FAXDC2: variants seen among roughly 807,000 people sequenced by gnomAD.
FAXDC2 encodes the protein fatty acid hydroxylase domain-containing protein 2.
FAXDC2 carries 41 observed loss-of-function variants against 40.9 expected under a neutral mutation model. The observed-to-expected ratio is 1.00, with a 90% CI of 0.78 to 1.30. The LOEUF (loss-of-function observed/expected upper bound fraction) is 1.30, where lower values mean the gene tolerates loss of function less well. Ranked by LOEUF, FAXDC2 falls within the 50% of genes most tolerant of loss-of-function variation. The probability of loss-of-function intolerance (pLI) is 0.00; values close to 1 mark genes in which losing one functional copy is unlikely to be tolerated. For missense variants in FAXDC2, 390 were observed against 408.8 expected (o/e 0.95, Z 0.40); for synonymous variants, 157 against 149.3 (o/e 1.05, Z -0.38).
chr5:154,829,015 G>A (rs750060673), intron 5 of FAXDC2, among the ~76,000 whole-genome samples: 19 of 150,586 alleles, frequency 1.3e-4, no homozygotes, highest in Non-Finnish European at 2.4e-4. Context: ...TGCCTCCCAG[G>A]TTCAAGCAAT....
At chr5:154,838,640 C>T (rs1760410653) in intron 1 of FAXDC2, 1 of 187,124 alleles carries the variant, frequency 5.3e-6, no homozygotes, top group Non-Finnish European at 1.1e-5. Context: ...GCTCTGTCGC[C>T]CAGGCTGGAG....
intron 5 of FAXDC2, among the ~76,000 whole-genome samples, chr5:154,826,133 A>T (rs1561653128): frequency 6.6e-6 from 1 of 152,180 alleles, no homozygotes; most frequent in Non-Finnish European, 1.5e-5. Context: ...GAATGAATAT[A>T]GAGAAGAGGA....
At chr5:154,843,758 C>T (rs1388105619) in intron 1 of FAXDC2, among the ~76,000 whole-genome samples, 2 of 152,238 alleles carry the variant, frequency 1.3e-5, no homozygotes, top group South Asian at 2.1e-4. Flanking sequence ...CCATTGAAGA[C>T]ATTCCTTACT....
At chr5:154,844,832 T>G (rs771223909) in intron 1 of FAXDC2, among the ~76,000 whole-genome samples, 10 of 152,038 alleles carry the variant, frequency 6.6e-5, no homozygotes, top group Non-Finnish European at 1.3e-4. Context: ...CAGGGCAGAG[T>G]GCTGATCATG....
intron 1 of FAXDC2, among the ~76,000 whole-genome samples, chr5:154,841,754 T>C (rs78618311): frequency 6.6e-6 from 1 of 151,770 alleles, no homozygotes; most frequent in Non-Finnish European, 1.5e-5. Flanking sequence ...TTTTTTTTTT[T>C]TGAGGCAGTC....
chr5:154,840,274 CGAG>C (rs1475409258), intron 1 of FAXDC2, among the ~76,000 whole-genome samples: 13 of 152,092 alleles, frequency 8.5e-5, no homozygotes, highest in African/African-American at 3.1e-4. Flanking sequence ...ATTTTAATAA[CGAG>C]GAGACGGGGG....
chr5:154,834,650 C>G lies in FAXDC2; in HGVS notation c.219G>C (p.Gly73=). The G allele has an allele frequency of 6.2e-7, 1 of 1,613,918 alleles. No individual in the cohort carries two copies. The highest frequency in any genetic ancestry group is 8.5e-7 in the Non-Finnish European group (1 of 1,179,882). The part of the protein sequence containing the change: ...QWERLLTTFE[G]KEWILFFIGA... ...CTATAAAGAAGAGGATCCACTCCTT[C>G]CCTTCAAATGTAGTCAGCAGCCTCT... The change falls in exon 4 of 9, where the codon GGG becomes GGC. Residue 73 remains glycine, a synonymous_variant. Transcript: ENST00000326080.
rs748110873 is a variant in FAXDC2 at position 154,821,322 on chromosome 5, G to A, written c.783C>T (p.Ser261=). 3.7e-6 allele frequency: 6 copies of A among 1,610,694 alleles called. No homozygotes were observed. The highest frequency in any genetic ancestry group is 5.1e-6 in the Non-Finnish European group (6 of 1,178,842). The change falls in exon 8 of 9, where the codon TCC becomes TCT. Residue 261 remains serine (S), a synonymous_variant. Coordinates refer to ENST00000326080, the MANE Select transcript of FAXDC2 (RefSeq NM_032385.5). ...FSLALIITTI[S]HCGYHLPFLP... The stretch of plus-strand genomic sequence containing the variant: ...GGAAGGGAAGGTGGTAGCCACAGTG[G>A]GAGATGGTGGTGATGATGAGGGCCA...
intron 7 of FAXDC2, among the ~76,000 whole-genome samples, 168 bp from the exon 8 acceptor site, chr5:154,821,594 T>C (rs546997144): frequency 6.6e-6 from 1 of 152,282 alleles, no homozygotes; most frequent in East Asian, 1.9e-4. Context: ...CTTTGTAACT[T>C]GGGACAAATT....
In FAXDC2 at chr5:154,834,693, AAGT is replaced by A. The variant is rs753049437; in HGVS notation, c.173_175del (p.Tyr58del). 2.5e-6 allele frequency: 4 copies of A among 1,613,408 alleles called. No homozygotes were observed. Among genetic ancestry groups the A allele is most frequent in the East Asian group, 2.2e-5 (1 of 44,868 alleles). On this transcript the variant is annotated inframe_deletion, in exon 4 of 9. Coordinates refer to ENST00000326080, the MANE Select transcript of FAXDC2 (RefSeq NM_032385.5). Reference sequence around the variant, plus strand: ...CAGCCTCTCCCACTGGGCTTGCCAAAAGTAGCCAGAAGCACCCCAAAATCTCTG... The same window carrying A: ...CAGCCTCTCCCACTGGGCTTGCCAAAAGCCAGAAGCACCCCAAAATCTCTG...
chr5:154,846,407 T>C (rs1224461619), intron 1 of FAXDC2, among the ~76,000 whole-genome samples: 1 of 152,116 alleles, frequency 6.6e-6, no homozygotes, highest in African/African-American at 2.4e-5. Flanking sequence ...GAATAAGACA[T>C]GCTTTTTGCC....
At chr5:154,829,298 G>T (rs1482435584) in intron 5 of FAXDC2, among the ~76,000 whole-genome samples, 6 of 152,202 alleles carry the variant, frequency 3.9e-5, no homozygotes, top group Admixed American at 2.0e-4. Context: ...AACAGAGCAG[G>T]AATGGATCAT....
chr5:154,825,867 G>T (rs1468625411), intron 5 of FAXDC2, among the ~76,000 whole-genome samples: 1 of 151,976 alleles, frequency 6.6e-6, no homozygotes, highest in African/African-American at 2.4e-5. Context: ...TGAGAAACTG[G>T]AAGATTGGAA....
At chr5:154,846,241 T>A (rs1298616192) in intron 1 of FAXDC2, among the ~76,000 whole-genome samples, 1 of 150,942 alleles carries the variant, frequency 6.6e-6, no homozygotes, top group Non-Finnish European at 1.5e-5. Context: ...GAGATTGGCC[T>A]ATATTAGCCA....
Position 154,819,645 on chromosome 5 carries a change from ATTTC to A in FAXDC2, c.*667_*670del, listed in dbSNP as rs933573702. The A allele has an allele frequency of 1.3e-5, 2 of 152,064 alleles. No homozygotes were observed. The allele number at this position is 152,064 out of a possible 1,614,324, so 9.4% of individuals were successfully genotyped here. A position where few individuals can be genotyped will look rare whatever the true frequency, so the allele number is the denominator to read the frequency against. On this transcript the variant is annotated 3_prime_UTR_variant, in exon 9 of 9. Coordinates refer to ENST00000326080, the MANE Select transcript of FAXDC2 (RefSeq NM_032385.5). ...TTTTAATCCAGGGAGGAGCTCCTGG[ATTTC>A]TTTTTCTCCCCCACAGAGGGAAACC...
intron 4 of FAXDC2, 71 bp downstream of exon 4, chr5:154,834,554 C>A: frequency 2.6e-6 from 3 of 1,151,018 alleles, no homozygotes; most frequent in Non-Finnish European, 3.9e-6. Flanking sequence ...AAGTAGAGAA[C>A]AAAACAACAA....
At chr5:154,844,121 G>A (rs1760541331) in intron 1 of FAXDC2, among the ~76,000 whole-genome samples, 1 of 151,978 alleles carries the variant, frequency 6.6e-6, no homozygotes, top group Admixed American at 6.6e-5. Flanking sequence ...AGGAGGCTGA[G>A]ACAGGAAAAT....
chr5:154,832,960 G>A (rs185323), intron 4 of FAXDC2, among the ~76,000 whole-genome samples: 7,577 of 152,078 alleles, frequency 0.05, 323 homozygotes, highest in African/African-American at 0.12. Context: ...TTGCTTTATA[G>A]CAACTGACAC....
intron 8 of FAXDC2, 105 bp from the exon 9 acceptor site, chr5:154,820,577 A>C: frequency 1.2e-6 from 1 of 826,354 alleles, no homozygotes; most frequent in Non-Finnish European, 1.9e-6. Flanking sequence ...CCTACCCCAC[A>C]CCTGTCACCA....
Sources: gnomAD v4.1 joint callset for allele counts (sites outside exome capture counted in the v4.1 genomes callset) on GRCh38, gnomAD v4.1.1 for gene constraint, MANE v1.5 for transcripts, NCBI Gene and HGNC (gene_info 2026-07-23, HGNC 2026-07-21) for gene names.